Variants in YJEFN3 observed in about 807,000 individuals in gnomAD.
YJEFN3 encodes the protein yjeF N-terminal domain-containing protein 3.
In YJEFN3, 29 loss-of-function variants were observed where a neutral mutation model predicts 31.5. The observed-to-expected ratio is 0.92, with a 90% CI of 0.69 to 1.26. The LOEUF (loss-of-function observed/expected upper bound fraction) is 1.26, where lower values mean the gene tolerates loss of function less well. Among genes scored for constraint, YJEFN3 ranks in the 50% most tolerant of loss-of-function variants. The pLI is 0.00. For missense variants in YJEFN3, 442 were observed against 425.4 expected, an observed-to-expected ratio of 1.04 and a Z score of -0.34; for synonymous variants, 227 against 196.1, an observed-to-expected ratio of 1.16 and a Z score of -1.32.
chr19:19,529,145 G>A (rs1400766793), intron 1 of YJEFN3, 154 bp downstream of exon 1: 1 of 1,462,546 alleles, frequency 6.8e-7, no homozygotes, highest in Non-Finnish European at 9.0e-7. Context: ...GCAGAGGCAT[G>A]ACCACGGTGG....
At chr19:19,535,214 A>T in intron 4 of YJEFN3, 70 bp downstream of exon 4, 1 of 1,519,542 alleles carries the variant, frequency 6.6e-7, no homozygotes. Context: ...TTCTTTTGAT[A>T]GCTTCCCAGG....
rs145346655 is a variant in YJEFN3, at chr19:19,536,179, G to A, written c.694+500G>A. 41 of 263,786 alleles carry A rather than the reference G, an allele frequency of 1.6e-4. No individual in the cohort carries two copies. The East Asian group carries it at 3.7e-3, about 24-fold the overall frequency. The allele number at this position is 263,786 out of a possible 1,614,324, so 16.3% of individuals were successfully genotyped here. A position where few individuals can be genotyped will look rare whatever the true frequency, so the allele number is the denominator to read the frequency against. ...CGGCGTGCTGTCTGATCTGAGTAGGGAGGCTGCAGGCTCAGCCTAGGACAG... is the reference window on the plus strand; with the variant it reads ...CGGCGTGCTGTCTGATCTGAGTAGGAAGGCTGCAGGCTCAGCCTAGGACAG... On this transcript the variant is annotated intron_variant, in intron 6 of 6. Transcript: ENST00000514277.
In YJEFN3 at chr19:19,535,624, G is replaced by A. The variant is rs377616847; in HGVS notation, c.639G>A (p.Ala213=). 3,145 of 1,586,008 alleles carry A rather than the reference G, an allele frequency of 2.0e-3. 8 individuals are homozygous for A. The highest frequency in any genetic ancestry group is 2.5e-3 in the South Asian group (219 of 88,104). The stretch of plus-strand genomic sequence containing the variant: ...AGGTCGGGGGCCCCTGCACCCGCGC[G>A]CTGGCCACGCTCAAGCTGCTGTCCA... ...PGEVGGPCTR[A]LATLKLLSIP... Residue 213 remains alanine (A), a synonymous_variant, in exon 6 of 7, where the codon GCG becomes GCA. Coordinates refer to ENST00000514277, the MANE Select transcript of YJEFN3 (RefSeq NM_198537.4).
At chr19:19,532,550 G>A in intron 2 of YJEFN3, 82 bp from the exon 3 acceptor site, 1 of 1,006,794 alleles carries the variant, frequency 9.9e-7, no homozygotes, top group Non-Finnish European at 1.4e-6. Context: ...ACCGGGTTCA[G>A]AAGCTTGGCG....
At chr19:19,529,925 A>G (rs1288885979) in intron 2 of YJEFN3, among the ~76,000 whole-genome samples, 1 of 152,190 alleles carries the variant, frequency 6.6e-6, no homozygotes. Flanking sequence ...AGCCATCAGC[A>G]GGTTTGGGAC....
intron 3 of YJEFN3, 139 bp downstream of exon 3, chr19:19,532,879 T>C: frequency 9.1e-7 from 1 of 1,101,394 alleles, no homozygotes; most frequent in Non-Finnish European, 1.2e-6. Flanking sequence ...ATGGGTAAAC[T>C]GAGGCCCAGA....
rs200141117 is a variant in YJEFN3 at position 19,535,092 on chromosome 19, C to G, written c.377C>G (p.Pro126Arg). The change falls in exon 4 of 7, where the codon CCG (proline) becomes CGG (arginine). Residue 126 changes from proline (P) to arginine (R), a missense_variant. Coordinates refer to ENST00000514277, the MANE Select transcript of YJEFN3 (RefSeq NM_198537.4). ...KQRTVLVVCG[P>R]EQNGAVGLVC... ...AGGACGGTGCTGGTCGTGTGTGGCCCGGAGCAGAACGGGGCAGTGGGGCTG... is the reference window on the plus strand; with the variant it reads ...AGGACGGTGCTGGTCGTGTGTGGCCGGGAGCAGAACGGGGCAGTGGGGCTG... 1 of 1,612,006 alleles carries G rather than the reference C, an allele frequency of 6.2e-7. No individual in the cohort carries two copies.
At chr19:19,529,098 G>A in intron 1 of YJEFN3, 107 bp downstream of exon 1, 1 of 1,496,152 alleles carries the variant, frequency 6.7e-7, no homozygotes, top group South Asian at 1.3e-5. Context: ...GGGGTCCGGG[G>A]ACTGGAGACG....
chr19:19,536,893 C>T (rs1004246531), intron 6 of YJEFN3, among the ~76,000 whole-genome samples: 4 of 152,142 alleles, frequency 2.6e-5, no homozygotes, highest in African/African-American at 9.7e-5. Flanking sequence ...TTGCTTGAAC[C>T]CGTGTGGCAG....
At chr19:19,529,151 G>A in intron 1 of YJEFN3, 160 bp downstream of exon 1, 2 of 1,460,924 alleles carry the variant, frequency 1.4e-6, no homozygotes, top group African/African-American at 1.4e-5. Flanking sequence ...GCATGACCAC[G>A]GTGGGGAACC....
In YJEFN3 at chr19:19,535,368, G is replaced by T; in HGVS notation, c.461G>T (p.Arg154Leu). ...EYEPTIFYPTRSLDLLHRDLT... is the reference protein window; with the variant it reads ...EYEPTIFYPTLSLDLLHRDLT... ...GAACCCACCATCTTCTACCCCACAC[G>T]CTCGCTGGACCTGCTGCATCGGGAC... Residue 154 changes from arginine to leucine, a missense_variant, in exon 5 of 7, where the codon CGC (arginine) becomes CTC (leucine). Physicochemically the swap from Arg to Leu is moderately radical, Grantham distance 102. Transcript: ENST00000514277. 6.2e-7 allele frequency: 1 copy of T among 1,613,868 alleles called. No individual in the cohort carries two copies. Among genetic ancestry groups the T allele is most frequent in the Non-Finnish European group, 8.5e-7 (1 of 1,179,978 alleles).
intron 3 of YJEFN3, 141 bp downstream of exon 3, chr19:19,532,881 A>C (rs966919083): frequency 9.2e-7 from 1 of 1,085,690 alleles, no homozygotes. Context: ...GGGTAAACTG[A>C]GGCCCAGAGA....
intron 1 of YJEFN3, 117 bp downstream of exon 1, chr19:19,529,108 G>A (rs2061127941): frequency 2.7e-6 from 4 of 1,484,568 alleles, no homozygotes; most frequent in Non-Finnish European, 3.6e-6. Flanking sequence ...GACTGGAGAC[G>A]GGCACAGCCG....
chr19:19,537,000 T>TAGGAGC (rs1309161916), intron 6 of YJEFN3, among the ~76,000 whole-genome samples: 2 of 151,896 alleles, frequency 1.3e-5, no homozygotes, highest in African/African-American at 4.8e-5. Context: ...AATAGTAGGA[T>TAGGAGC]AGGAGCAGAA....
chr19:19,532,998 C>G, intron 3 of YJEFN3: 3 of 1,258,122 alleles, frequency 2.4e-6, no homozygotes, highest in East Asian at 6.6e-5. Flanking sequence ...GAAGTGCAAC[C>G]CCTCCTGCAC....
chr19:19,535,004 C>T (rs535872606), intron 3 of YJEFN3, 30 bp from the exon 4 acceptor site: 1 of 1,548,966 alleles, frequency 6.5e-7, no homozygotes, highest in South Asian at 1.2e-5. Context: ...TGGACTGTGC[C>T]TGTGCCTTTG....
chr19:19,528,990 AGG>A lies in YJEFN3; in HGVS notation c.59_59+1del. On this transcript the variant is annotated splice_donor_variant and coding_sequence_variant, in exon 1 of 7. Transcript: ENST00000514277. LOFTEE classifies it high-confidence loss of function. Reference sequence around the variant, plus strand: ...GGCGCCCGAAGAGCGGCATTTCCTCAGGTCAGCTGGGGAGAGGGAAGCTGGAG... The same window carrying A: ...GGCGCCCGAAGAGCGGCATTTCCTCATCAGCTGGGGAGAGGGAAGCTGGAG... 1 of 1,550,672 alleles carries A rather than the reference AGG, an allele frequency of 6.4e-7. No homozygotes were observed. The highest frequency in any genetic ancestry group is 1.4e-5 in the African/African-American group (1 of 73,168).
intron 4 of YJEFN3, 95 bp from the exon 5 acceptor site, chr19:19,535,242 C>A: frequency 6.6e-7 from 1 of 1,505,378 alleles, no homozygotes; most frequent in Middle Eastern, 1.7e-4. Flanking sequence ...TGACGCAGGG[C>A]CAGGTTATAG....
In YJEFN3 at chr19:19,537,336, G is replaced by C. The variant is rs763297107; in HGVS notation, c.712G>C (p.Gly238Arg). 1.7e-5 allele frequency: 27 copies of C among 1,594,520 alleles called. No individual in the cohort carries two copies. The highest frequency in any genetic ancestry group is 2.2e-5 in the South Asian group (2 of 90,030). Residue 238 changes from glycine to arginine, a missense_variant, in exon 7 of 7, where the codon GGC (glycine) becomes CGC (arginine). By Grantham distance (125) the Gly-to-Arg change is moderately radical. Coordinates refer to ENST00000514277, the MANE Select transcript of YJEFN3 (RefSeq NM_198537.4). ...DIPSGWDAET[G>R]SDSEDGLRPD... ...TCCCTCAGGCTGGGACGCAGAGACCGGCAGCGATTCGGAGGACGGGCTGCG... is the reference window on the plus strand; with the variant it reads ...TCCCTCAGGCTGGGACGCAGAGACCCGCAGCGATTCGGAGGACGGGCTGCG...
Sources: gnomAD v4.1 joint callset for allele counts (sites outside exome capture counted in the v4.1 genomes callset) on GRCh38, gnomAD v4.1.1 for gene constraint, MANE v1.5 for transcripts, NCBI Gene and HGNC (gene_info 2026-07-23, HGNC 2026-07-21) for gene names.